TMEM217B: variants seen among roughly 807,000 people sequenced by gnomAD.
The protein encoded by TMEM217B is putative transmembrane protein 217B.
At chr6:37,212,784 G>T in the TMEM217B span, 1 of 715,210 alleles carries the variant, frequency 1.4e-6, no homozygotes, top group East Asian at 2.7e-5. Flanking sequence ...TGAGGGAGAG[G>T]CCAGTGCTGA....
At chr6:37,229,140 T>C in the TMEM217B span, among the ~76,000 whole-genome samples, 2 of 152,136 alleles carry the variant, frequency 1.3e-5, no homozygotes, top group Non-Finnish European at 2.9e-5. Flanking sequence ...TCCTCGTTGA[T>C]AGTTTCAAGA....
At chr6:37,244,146 A>T in the TMEM217B span, among the ~76,000 whole-genome samples, 3 of 152,206 alleles carry the variant, frequency 2.0e-5, no homozygotes, top group Non-Finnish European at 2.9e-5. Context: ...TAGTTTTACA[A>T]AGGTGGTTTA....
chr6:37,231,756 T>TTA, the TMEM217B span, among the ~76,000 whole-genome samples: 3 of 147,986 alleles, frequency 2.0e-5, no homozygotes, highest in Non-Finnish European at 3.0e-5. Context: ...TATTATGTTA[T>TTA]TATATATAAT....
the TMEM217B span, among the ~76,000 whole-genome samples, chr6:37,213,497 C>A: frequency 2.6e-5 from 4 of 152,246 alleles, no homozygotes; most frequent in African/African-American, 9.6e-5. Flanking sequence ...CTGGGCATGG[C>A]CCAGCCTTGT....
At chr6:37,247,222 G>A in the TMEM217B span, among the ~76,000 whole-genome samples, 1 of 152,132 alleles carries the variant, frequency 6.6e-6, no homozygotes, top group Non-Finnish European at 1.5e-5. Flanking sequence ...GTCTTACCAT[G>A]TAGAGCTACT....
chr6:37,252,045 C>T, the TMEM217B span, among the ~76,000 whole-genome samples: 4,044 of 152,250 alleles, frequency 0.027, 175 homozygotes, highest in African/African-American at 0.091. Flanking sequence ...AGGCATGCGC[C>T]ACCATGCCCA....
the TMEM217B span, among the ~76,000 whole-genome samples, chr6:37,254,863 T>C: frequency 0.032 from 4,849 of 152,078 alleles, 243 homozygotes; most frequent in African/African-American, 0.11. Flanking sequence ...CATGAAAATT[T>C]TGGGGGAGGG....
At chr6:37,235,689 A>G in the TMEM217B span, among the ~76,000 whole-genome samples, 1 of 152,118 alleles carries the variant, frequency 6.6e-6, no homozygotes, top group Non-Finnish European at 1.5e-5. Flanking sequence ...ATGGTTCTGG[A>G]GGCTGGAAAG....
chr6:37,213,765 C>T, the TMEM217B span, among the ~76,000 whole-genome samples: 34 of 152,348 alleles, frequency 2.2e-4, no homozygotes, highest in South Asian at 1.0e-3. Flanking sequence ...CTGGAGTAGG[C>T]TGGGCCTACA....
chr6:37,253,168 T>A, the TMEM217B span, among the ~76,000 whole-genome samples: 1,428 of 152,320 alleles, frequency 9.4e-3, 20 homozygotes, highest in African/African-American at 0.031. Flanking sequence ...TATGTAGCAT[T>A]CAAATTTGCC....
the TMEM217B span, chr6:37,212,583 G>T: frequency 1.7e-5 from 8 of 471,742 alleles, no homozygotes; most frequent in African/African-American, 1.4e-4. Flanking sequence ...GCAGGAGCAT[G>T]TGTGAGATTT....
At chr6:37,225,847 T>C in the TMEM217B span, among the ~76,000 whole-genome samples, 1 of 152,220 alleles carries the variant, frequency 6.6e-6, no homozygotes, top group Non-Finnish European at 1.5e-5. Flanking sequence ...ACAGTCTTGC[T>C]CATAAAAGAA....
At chr6:37,241,604 T>C in the TMEM217B span, among the ~76,000 whole-genome samples, 78 of 152,272 alleles carry the variant, frequency 5.1e-4, no homozygotes, top group Middle Eastern at 3.4e-3. Flanking sequence ...GGTTTTCTGT[T>C]CCAGGTTCTA....
the TMEM217B span, among the ~76,000 whole-genome samples, chr6:37,239,081 G>A: frequency 3.3e-5 from 5 of 152,156 alleles, no homozygotes; most frequent in East Asian, 1.9e-4. Context: ...GCAGTGAGCC[G>A]AGATCATGCC....
the TMEM217B span, among the ~76,000 whole-genome samples, chr6:37,255,646 T>C: frequency 7.9e-4 from 118 of 150,192 alleles, 1 homozygote; most frequent in South Asian, 0.02. Context: ...ATCATGTCAC[T>C]GGACTCCAGC....
At chr6:37,257,999 A>G in the TMEM217B span, 8 of 1,612,380 alleles carry the variant, frequency 5.0e-6, no homozygotes, top group African/African-American at 9.3e-5. Flanking sequence ...TGAGAGGGAT[A>G]GGGGATTGGA....
chr6:37,255,930 A>T, the TMEM217B span, among the ~76,000 whole-genome samples: 13 of 152,230 alleles, frequency 8.5e-5, no homozygotes, highest in African/African-American at 2.9e-4. Flanking sequence ...ATAGAAAACA[A>T]ACTGTAGAAA....
the TMEM217B span, among the ~76,000 whole-genome samples, chr6:37,229,142 G>A: frequency 1.3e-3 from 205 of 152,170 alleles, 3 homozygotes; most frequent in South Asian, 0.013. Context: ...CTCGTTGATA[G>A]TTTCAAGAGG....
the TMEM217B span, chr6:37,218,894 G>A: frequency 5.0e-6 from 8 of 1,614,046 alleles, no homozygotes; most frequent in African/African-American, 8.0e-5. Flanking sequence ...GTACTTTGGT[G>A]TGATCTCAGT....
Sources: gnomAD v4.1 joint callset for allele counts (sites outside exome capture counted in the v4.1 genomes callset) on GRCh38, gnomAD v4.1.1 for gene constraint, MANE v1.5 for transcripts, NCBI Gene and HGNC (gene_info 2026-07-23, HGNC 2026-07-21) for gene names.